SLC20A2: variants seen among roughly 807,000 people sequenced by gnomAD.
SLC20A2 encodes solute carrier family 20 member 2, also known as sodium-dependent phosphate transporter 2.
A neutral mutation model predicts 61.0 loss-of-function variants in SLC20A2; 30 were observed. That is an observed-to-expected ratio of 0.49 (90% CI 0.37 to 0.67). SLC20A2 has a LOEUF of 0.67. Ranked by LOEUF, SLC20A2 falls within the 30% of genes least tolerant of loss-of-function variation. The pLI is 0.00. For missense variants in SLC20A2, 626 were observed against 866.4 expected (o/e 0.72, Z 3.48); for synonymous variants, 351 against 353.3 (o/e 0.99, Z 0.07).
chr8:42,498,660 T>C (rs530392455), intron 1 of SLC20A2, among the ~76,000 whole-genome samples: 1 of 152,256 alleles, frequency 6.6e-6, no homozygotes, highest in Non-Finnish European at 1.5e-5. Context: ...TTACACTTGT[T>C]TTTAAGACGG....
rs1811639176 is a variant in SLC20A2, at chr8:42,522,197, G to A, written c.-265+19624C>T. On this transcript the variant is annotated intron_variant, in intron 1 of 10. Coordinates refer to the SLC20A2 transcript ENST00000342228. ...GTGAGCAAGCAGTTATCACGTCCCA[G>A]GTACTAGAGCCTATCTCATTTAACT... Among the ~76,000 whole-genome samples, 3 of 120,718 alleles carry A rather than the reference G, an allele frequency of 2.5e-5. 1 individual carries two copies. Among genetic ancestry groups the A allele is most frequent in the Middle Eastern group, 7.7e-3 (2 of 260 alleles). 79.2% of individuals were successfully genotyped at this position (120,718 alleles called of 152,430 possible).
intron 5 of SLC20A2, among the ~76,000 whole-genome samples, chr8:42,455,288 A>AGC (rs1563478477): frequency 5.0e-5 from 7 of 139,886 alleles, no homozygotes; most frequent in African/African-American, 1.5e-4. Context: ...AGAGAGAGAG[A>AGC]GAGAGCGTGC....
rs142865947 is a variant in SLC20A2, at chr8:42,456,087, T to C, written c.613+3809A>G. Among the ~76,000 whole-genome samples the C allele has an allele frequency of 2.8e-3, 428 of 152,176 alleles. 3 individuals carry two copies. Among genetic ancestry groups the C allele is most frequent in the African/African-American group, 9.9e-3 (410 of 41,500 alleles). On this transcript the variant is annotated intron_variant, in intron 5 of 10. Coordinates refer to ENST00000520262, the MANE Select transcript of SLC20A2 (RefSeq NM_001257180.2). ...AGGATAATTTACTCTCCCAGTAAGA[T>C]GATATTTTTAGCGAATGTGCCAACT...
intron 1 of SLC20A2, among the ~76,000 whole-genome samples, chr8:42,488,744 T>C (rs1202855037): frequency 6.6e-6 from 1 of 152,130 alleles, no homozygotes; most frequent in East Asian, 1.9e-4. Flanking sequence ...ATGATAGCCA[T>C]CCTAATGGGT....
chr8:42,483,855 G>A (rs1396579335), intron 1 of SLC20A2, among the ~76,000 whole-genome samples: 1 of 152,186 alleles, frequency 6.6e-6, no homozygotes, highest in Admixed American at 6.6e-5. Context: ...TCCCTTCAGA[G>A]ACAGTTTAAA....
chr8:42,477,466 T>C (rs891836975), intron 1 of SLC20A2, among the ~76,000 whole-genome samples: 1 of 2,514 alleles, frequency 4.0e-4, no homozygotes, highest in Non-Finnish European at 2.0e-3. Context: ...GACAGGGACT[T>C]TTTTTTTTTT....
intron 5 of SLC20A2, among the ~76,000 whole-genome samples, chr8:42,455,832 C>T (rs1806154430): frequency 6.6e-6 from 1 of 152,140 alleles, no homozygotes; most frequent in Admixed American, 6.6e-5. Flanking sequence ...CTATTAGTTA[C>T]AGGACCTTGG....
At chr8:42,493,195 A>G (rs1265731494) in intron 1 of SLC20A2, among the ~76,000 whole-genome samples, 1 of 152,228 alleles carries the variant, frequency 6.6e-6, no homozygotes, top group African/African-American at 2.4e-5. Context: ...TTTAGTGGGA[A>G]GTCCCACTTT....
intron 1 of SLC20A2, among the ~76,000 whole-genome samples, chr8:42,497,797 T>G (rs1039654014): frequency 1.3e-5 from 2 of 151,480 alleles, no homozygotes; most frequent in African/African-American, 4.9e-5. Context: ...CCTTAGAGAC[T>G]GGCTGAGGTT....
chr8:42,452,933 A>G (rs191544415), intron 5 of SLC20A2, among the ~76,000 whole-genome samples: 1 of 152,314 alleles, frequency 6.6e-6, no homozygotes, highest in African/African-American at 2.4e-5. Flanking sequence ...GTTTCTGGTA[A>G]GAGACGTGCC....
At chr8:42,524,790 T>TAAATA (rs1554576161) in intron 1 of SLC20A2, among the ~76,000 whole-genome samples, 25 of 131,200 alleles carry the variant, frequency 1.9e-4, no homozygotes, top group Middle Eastern at 3.7e-3. Flanking sequence ...CCATCTCAAA[T>TAAATA]AAATAAATAA....
chr8:42,471,139 AC>A (rs1807605100), intron 2 of SLC20A2: 1 of 455,904 alleles, frequency 2.2e-6, no homozygotes, highest in Admixed American at 2.4e-5. Context: ...TTCCTCTCTA[AC>A]CCTCTTCTCC....
intron 1 of SLC20A2, among the ~76,000 whole-genome samples, chr8:42,476,378 C>T (rs1469646414): frequency 6.6e-6 from 1 of 152,098 alleles, no homozygotes; most frequent in Non-Finnish European, 1.5e-5. Context: ...GCTGGGATTA[C>T]AGGCTTGAGC....
At chr8:42,516,939 C>A (rs1394112617) in intron 1 of SLC20A2, among the ~76,000 whole-genome samples, 1 of 152,224 alleles carries the variant, frequency 6.6e-6, no homozygotes. Context: ...TCACATAAGC[C>A]TGTGCCTCAA....
intron 1 of SLC20A2, among the ~76,000 whole-genome samples, chr8:42,512,712 C>T (rs1003075153): frequency 2.0e-5 from 3 of 152,146 alleles, no homozygotes; most frequent in Non-Finnish European, 4.4e-5. Flanking sequence ...TTATAAGGTC[C>T]AACCAACACT....
At chr8:42,484,370 A>C (rs1182750455) in intron 1 of SLC20A2, among the ~76,000 whole-genome samples, 1 of 152,222 alleles carries the variant, frequency 6.6e-6, no homozygotes, top group Non-Finnish European at 1.5e-5. Context: ...AGTTCCTCTC[A>C]TCTTCTATGG....
At chr8:42,469,173 G>T (rs1807428227) in intron 2 of SLC20A2, among the ~76,000 whole-genome samples, 1 of 152,178 alleles carries the variant, frequency 6.6e-6, no homozygotes, top group Non-Finnish European at 1.5e-5. Context: ...GGAGAATTCA[G>T]GCATCTGGAC....
At position 42,437,117 on chromosome 8, in the gene SLC20A2, C is replaced by A. The variant is rs1260038071; in HGVS notation, c.1395G>T (p.Gln465His). The change falls in exon 8 of 11, where the codon CAG becomes CAT. Residue 465 changes from glutamine (Q) to histidine (H), a missense_variant. Physicochemically the swap from Gln to His is conservative, Grantham distance 24. Transcript: ENST00000520262. This position sits in a 1 kb window ranked among gnomAD's most constrained non-coding sequence, Gnocchi z 6.4. ...KLASELADPD[Q>H]PREDPAEEEK... ...CCTCCTCTGCAGGGTCCTCTCGCGG[C>A]TGGTCAGGGTCGGCCAGCTCCGACG... is the stretch of plus-strand genomic sequence containing the variant. The A allele has an allele frequency of 2.5e-6, 4 of 1,613,954 alleles. No homozygotes were observed. The South Asian group carries it at 4.4e-5, about 18-fold the overall frequency.
chr8:42,541,723 CCCGCTTCTCCCGGTCCCCGGCGGGG>C (rs1813193453), intron 1 of SLC20A2: 1 of 149,282 alleles, frequency 6.7e-6, no homozygotes, highest in Non-Finnish European at 1.5e-5. Context: ...GCCCCGCGTC[CCCGCTTCTCCCGGTCCCCGGCGGGG>C]CCGCGTCACC....
Sources: allele counts gnomAD v4.1 joint callset (sites outside exome capture counted in the v4.1 genomes callset), GRCh38; gene constraint gnomAD v4.1.1; non-coding constraint Gnocchi (gnomAD v3.1); transcripts MANE v1.5; gene names NCBI Gene and HGNC (gene_info 2026-07-23, HGNC 2026-07-21).